The following SEMA5B variants were observed in gnomAD, a reference collection of about 807,000 sequenced individuals.
The protein encoded by SEMA5B is semaphorin-5B.
In SEMA5B, 66 loss-of-function variants were observed where a neutral mutation model predicts 135.0. That is an observed-to-expected ratio of 0.49 (90% CI 0.40 to 0.60). The LOEUF (loss-of-function observed/expected upper bound fraction) is 0.60. SEMA5B is among the 20% of genes least tolerant of loss of function. The pLI, the probability that SEMA5B is intolerant of heterozygous loss-of-function variation, is 0.00. For synonymous variants in SEMA5B, 690 were observed against 639.5 expected, an observed-to-expected ratio of 1.08 and a Z score of -1.19; for missense variants, 1,501 against 1,566.3, an observed-to-expected ratio of 0.96 and a Z score of 0.70.
chr3:122,979,914 C>T (rs1470399), intron 1 of SEMA5B, among the ~76,000 whole-genome samples: 31,860 of 152,130 alleles, frequency 0.21, 4,496 homozygotes, highest in African/African-American at 0.4. Context: ...TTTATTTTCC[C>T]CTAAATGTGT....
intron 1 of SEMA5B, among the ~76,000 whole-genome samples, chr3:123,004,715 C>T (rs1942262115): frequency 6.6e-6 from 1 of 152,198 alleles, no homozygotes; most frequent in African/African-American, 2.4e-5. Flanking sequence ...GCTGGCCTCC[C>T]ACCAGGCTCC....
chr3:123,005,655 T>G (rs573913032), intron 1 of SEMA5B, among the ~76,000 whole-genome samples: 1 of 152,264 alleles, frequency 6.6e-6, no homozygotes, highest in African/African-American at 2.4e-5. Context: ...AGAGAATAAA[T>G]AGGGACTCAG....
intron 2 of SEMA5B, among the ~76,000 whole-genome samples, chr3:122,953,785 G>A (rs576537474): frequency 2.0e-5 from 3 of 152,172 alleles, no homozygotes; most frequent in Non-Finnish European, 4.4e-5. Context: ...CTAGAATTGG[G>A]AGGTGACTTC....
chr3:122,979,608 C>A (rs1428770749), intron 1 of SEMA5B, among the ~76,000 whole-genome samples: 2 of 152,176 alleles, frequency 1.3e-5, no homozygotes, highest in South Asian at 4.1e-4. Context: ...GGGGGATTCA[C>A]AATTGGGATG....
At chr3:122,923,584 G>T (rs776969534) in intron 10 of SEMA5B, 33 bp downstream of exon 10, 10 of 1,612,802 alleles carry the variant, frequency 6.2e-6, no homozygotes, top group Admixed American at 1.7e-5. Context: ...AAGGCAGTGT[G>T]TGAAGACAGG....
intron 1 of SEMA5B, among the ~76,000 whole-genome samples, chr3:122,971,190 G>A (rs1476992730): frequency 6.6e-6 from 1 of 152,222 alleles, no homozygotes; most frequent in Non-Finnish European, 1.5e-5. Flanking sequence ...ATCAGAGCAG[G>A]ATGGGAGAAT....
chr3:123,016,362 A>C (rs1342241433), intron 1 of SEMA5B, among the ~76,000 whole-genome samples: 1 of 152,250 alleles, frequency 6.6e-6, no homozygotes, highest in Non-Finnish European at 1.5e-5. Flanking sequence ...TCTCAAATGC[A>C]CAAATGTTCA....
chr3:122,983,801 G>A (rs1185810286), intron 1 of SEMA5B, among the ~76,000 whole-genome samples: 2 of 149,626 alleles, frequency 1.3e-5, no homozygotes, highest in South Asian at 2.1e-4. Context: ...TAAGAGTCGG[G>A]CAGGACCTGC....
chr3:123,016,861 T>G (rs972298017), intron 1 of SEMA5B, among the ~76,000 whole-genome samples: 2 of 151,004 alleles, frequency 1.3e-5, no homozygotes, highest in Non-Finnish European at 2.9e-5. Flanking sequence ...GGATTACCAG[T>G]GTGAGCCACT....
At chr3:122,948,830 T>C (rs950378019) in intron 2 of SEMA5B, 121 bp from the exon 3 acceptor site, 1 of 796,846 alleles carries the variant, frequency 1.3e-6, no homozygotes, top group African/African-American at 1.8e-5. Flanking sequence ...TGTATTTATG[T>C]TACTCAGAGT....
At chr3:122,979,505 G>A (rs1268176891) in intron 1 of SEMA5B, among the ~76,000 whole-genome samples, 3 of 152,098 alleles carry the variant, frequency 2.0e-5, no homozygotes, top group African/African-American at 7.2e-5. Context: ...AGTTTCTTTT[G>A]GCTGCCTTCA....
intron 1 of SEMA5B, among the ~76,000 whole-genome samples, chr3:123,017,116 C>A (rs910538572): frequency 2.0e-5 from 3 of 151,704 alleles, no homozygotes; most frequent in African/African-American, 7.3e-5. Flanking sequence ...GTCTTGATAT[C>A]CTGACCTCTG....
rs370648299 is a variant in SEMA5B, at chr3:122,952,874, C to T, written c.125-4165G>A. Among the ~76,000 whole-genome samples the T allele has an allele frequency of 2.2e-3, 328 of 152,298 alleles. 10 individuals carry two copies. In the South Asian group the frequency reaches 0.067, roughly 31 times the overall value. ...AGACCAGAGCTCGTCTGCTTCCAGG[C>T]TTGGGAAGGAAATTGCTCCCTCTGT... On this transcript the variant is annotated intron_variant, in intron 2 of 22. Transcript: ENST00000357599.
chr3:122,953,444 A>G (rs1220752447), intron 2 of SEMA5B, among the ~76,000 whole-genome samples: 1 of 152,116 alleles, frequency 6.6e-6, no homozygotes, highest in Non-Finnish European at 1.5e-5. Flanking sequence ...TTAGATTTTT[A>G]TGTAAATATG....
chr3:123,010,361 A>G (rs1317841348), intron 1 of SEMA5B, among the ~76,000 whole-genome samples: 1 of 152,248 alleles, frequency 6.6e-6, no homozygotes, highest in Non-Finnish European at 1.5e-5. Context: ...AACAGTACCA[A>G]ACTCAGAACT....
intron 7 of SEMA5B, 43 bp downstream of exon 7, chr3:122,928,474 G>C (rs113895319): frequency 9.5e-6 from 14 of 1,473,278 alleles, no homozygotes; most frequent in Non-Finnish European, 1.0e-5. Flanking sequence ...GAGAACCCCC[G>C]GCATGGTGCC....
rs370127417 is a variant in SEMA5B, at chr3:122,928,500, C to A, written c.636+17G>T. On this transcript the variant is annotated intron_variant, in intron 7 of 22. Transcript: ENST00000357599. ...GCATGGTGCCCCCTTCAGTCTCCTC[C>A]ACCCTGAGGTGCCCACCTGTCTGCT... 26 of 1,543,898 alleles carry A rather than the reference C, an allele frequency of 1.7e-5. No individual in the cohort carries two copies. In the African/African-American group the frequency reaches 3.4e-4, roughly 20 times the overall value.
intron 1 of SEMA5B, among the ~76,000 whole-genome samples, chr3:123,000,029 G>A (rs372432488): frequency 1.6e-4 from 24 of 152,308 alleles, no homozygotes; most frequent in African/African-American, 5.8e-4. Context: ...CTAACGTGGT[G>A]AAACCCCATC....
At chr3:122,936,219 G>T (rs1939280386) in intron 5 of SEMA5B, among the ~76,000 whole-genome samples, 1 of 152,146 alleles carries the variant, frequency 6.6e-6, no homozygotes. Flanking sequence ...GTAGCTGTGT[G>T]GTTTTCACGC....
Sources: allele counts gnomAD v4.1 joint callset (sites outside exome capture counted in the v4.1 genomes callset), GRCh38; gene constraint gnomAD v4.1.1; transcripts MANE v1.5; gene names NCBI Gene and HGNC (gene_info 2026-07-23, HGNC 2026-07-21).